Variants in GPC6 observed in about 807,000 individuals in gnomAD.
The protein encoded by GPC6 is glypican 6.
A neutral mutation model predicts 55.2 loss-of-function variants in GPC6; 14 were observed. The observed-to-expected ratio is 0.25, with a 90% CI of 0.17 to 0.40. The LOEUF (loss-of-function observed/expected upper bound fraction) is 0.40, where lower values mean the gene tolerates loss of function less well. Among genes scored for constraint, GPC6 ranks in the 10% least tolerant of loss-of-function variants. The pLI is 1.00. For missense variants in GPC6, 641 were observed against 708.5 expected (o/e 0.90, Z 1.08); for synonymous variants, 278 against 259.6 (o/e 1.07, Z -0.68).
At chr13:93,237,841 G>A (rs1194565704) in intron 1 of GPC6, among the ~76,000 whole-genome samples, 3 of 152,102 alleles carry the variant, frequency 2.0e-5, no homozygotes, top group Admixed American at 1.3e-4. Flanking sequence ...CCCAGTGTAT[G>A]TTTTTGTCTG....
At chr13:93,813,485 A>G (rs1886759508) in intron 2 of GPC6, among the ~76,000 whole-genome samples, 2 of 152,172 alleles carry the variant, frequency 1.3e-5, no homozygotes, top group African/African-American at 4.8e-5. Context: ...CAGCTGCGAT[A>G]TTGAAATGAA....
intron 4 of GPC6, among the ~76,000 whole-genome samples, chr13:94,049,588 C>T (rs1190002264): frequency 6.6e-6 from 1 of 152,120 alleles, no homozygotes; most frequent in Non-Finnish European, 1.5e-5. Context: ...GTTCCCTGCT[C>T]CTGCACTGCT....
intron 1 of GPC6, among the ~76,000 whole-genome samples, chr13:93,527,720 G>T (rs1182820164): frequency 6.6e-6 from 1 of 152,044 alleles, no homozygotes; most frequent in Non-Finnish European, 1.5e-5. Flanking sequence ...TGTTGGCCTC[G>T]CATCCCCCAT....
intron 6 of GPC6, among the ~76,000 whole-genome samples, chr13:94,312,829 G>A (rs185412422): frequency 8.4e-4 from 128 of 152,242 alleles, no homozygotes; most frequent in Admixed American, 2.0e-3. Context: ...ACTTTAATTA[G>A]TTTTCTAAAG....
chr13:93,537,684 T>C (rs1205698069), intron 1 of GPC6, among the ~76,000 whole-genome samples: 1 of 152,148 alleles, frequency 6.6e-6, no homozygotes, highest in Non-Finnish European at 1.5e-5. Context: ...ATATCTACTT[T>C]AATGAAAATT....
At chr13:94,320,271 C>A (rs1032864245) in intron 6 of GPC6, among the ~76,000 whole-genome samples, 1 of 152,130 alleles carries the variant, frequency 6.6e-6, no homozygotes, top group African/African-American at 2.4e-5. Flanking sequence ...GTATCCGCCT[C>A]CTCATCACAT....
At chr13:93,836,379 G>C (rs1887732616) in intron 3 of GPC6, among the ~76,000 whole-genome samples, 1 of 152,212 alleles carries the variant, frequency 6.6e-6, no homozygotes. Flanking sequence ...AAGATCACCT[G>C]TTGTCATTAT....
chr13:93,841,934 C>A (rs1348745746), intron 3 of GPC6, among the ~76,000 whole-genome samples: 2 of 152,146 alleles, frequency 1.3e-5, no homozygotes, highest in Non-Finnish European at 2.9e-5. Context: ...TTCATAAATA[C>A]ATTAATTACG....
chr13:93,989,459 A>G (rs924634851), intron 3 of GPC6, among the ~76,000 whole-genome samples: 2 of 152,236 alleles, frequency 1.3e-5, no homozygotes, highest in African/African-American at 4.8e-5. Context: ...AACCTCAAGA[A>G]GAACTCATGA....
chr13:94,119,487 C>T (rs1886551126), intron 4 of GPC6, among the ~76,000 whole-genome samples: 1 of 152,002 alleles, frequency 6.6e-6, no homozygotes. Context: ...AATAGCATTA[C>T]AGGCAGGAGA....
At chr13:94,003,974 A>G (rs547479178) in intron 3 of GPC6, among the ~76,000 whole-genome samples, 3 of 152,362 alleles carry the variant, frequency 2.0e-5, no homozygotes, top group African/African-American at 7.2e-5. Flanking sequence ...CTAATAGTAC[A>G]TAATCAAAGA....
chr13:93,374,866 A>G (rs1032778668), intron 1 of GPC6, among the ~76,000 whole-genome samples: 3 of 152,214 alleles, frequency 2.0e-5, no homozygotes, highest in African/African-American at 7.2e-5. Context: ...CAGTCTTCTC[A>G]TAAATATAAC....
At chr13:93,586,680 C>A (rs1167711675) in intron 2 of GPC6, among the ~76,000 whole-genome samples, 2 of 152,164 alleles carry the variant, frequency 1.3e-5, no homozygotes, top group East Asian at 1.9e-4. Context: ...ACAACCTATA[C>A]AATACCTGTC....
At chr13:93,279,855 G>A (rs1397081916) in intron 1 of GPC6, among the ~76,000 whole-genome samples, 2 of 152,178 alleles carry the variant, frequency 1.3e-5, no homozygotes, top group African/African-American at 4.8e-5. Context: ...TCGTTTTGAG[G>A]TTTGTAATTG....
intron 3 of GPC6, among the ~76,000 whole-genome samples, chr13:93,907,212 A>G (rs1876720923): frequency 6.6e-6 from 1 of 152,154 alleles, no homozygotes; most frequent in Non-Finnish European, 1.5e-5. Context: ...CAGACCTGCT[A>G]TAATCCTTTT....
At chr13:94,140,680 T>A (rs1887342156) in intron 4 of GPC6, among the ~76,000 whole-genome samples, 1 of 152,114 alleles carries the variant, frequency 6.6e-6, no homozygotes, top group Non-Finnish European at 1.5e-5. Flanking sequence ...GAAATGTGGC[T>A]CCTTTAACTA....
chr13:93,775,366 G>A (rs939299571), intron 2 of GPC6, among the ~76,000 whole-genome samples: 2 of 152,178 alleles, frequency 1.3e-5, no homozygotes, highest in African/African-American at 2.4e-5. Flanking sequence ...GCCAAAAGAA[G>A]TTCAATTACA....
At chr13:93,781,257 A>G (rs1486242165) in intron 2 of GPC6, among the ~76,000 whole-genome samples, 2 of 149,892 alleles carry the variant, frequency 1.3e-5, no homozygotes, top group African/African-American at 4.9e-5. Flanking sequence ...GCCTGGCAAC[A>G]GAGTGAGACT....
intron 3 of GPC6, among the ~76,000 whole-genome samples, chr13:93,882,052 C>G (rs1174507683): frequency 1.3e-5 from 2 of 150,950 alleles, no homozygotes; most frequent in African/African-American, 4.9e-5. Flanking sequence ...ACTTTCTCCT[C>G]CCTCCCTCCT....
Sources: allele counts gnomAD v4.1 joint callset (sites outside exome capture counted in the v4.1 genomes callset), GRCh38; gene constraint gnomAD v4.1.1; transcripts MANE v1.5; gene names NCBI Gene and HGNC (gene_info 2026-07-23, HGNC 2026-07-21).